GABRG1: variants seen among roughly 807,000 people sequenced by gnomAD.
GABRG1 encodes gamma-aminobutyric acid receptor subunit gamma-1.
GABRG1 carries 49 observed loss-of-function variants against 49.8 expected under a neutral mutation model. The observed-to-expected ratio is 0.98, with a 90% CI of 0.78 to 1.25. The LOEUF is 1.25. GABRG1 is among the 50% of genes most tolerant of loss of function. GABRG1 has a pLI of 0.00. For missense variants in GABRG1, 552 were observed against 552.3 expected (o/e 1.00, Z 0.01); for synonymous variants, 232 against 185.1 (o/e 1.25, Z -2.06).
intron 4 of GABRG1, 66 bp from the exon 5 acceptor site, chr4:46,064,589 C>A: frequency 1.3e-6 from 1 of 782,548 alleles, no homozygotes; most frequent in Non-Finnish European, 2.0e-6. Context: ...AATCTCCTGT[C>A]TCATTTTAAA....
At chr4:46,085,081 TAA>T (rs1182803453) in intron 2 of GABRG1, among the ~76,000 whole-genome samples, 1 of 151,512 alleles carries the variant, frequency 6.6e-6, no homozygotes, top group Non-Finnish European at 1.5e-5. Flanking sequence ...TCTTATATAA[TAA>T]GAGATTTTTT....
chr4:46,122,117 G>A (rs549364145), intron 1 of GABRG1, among the ~76,000 whole-genome samples: 1 of 152,112 alleles, frequency 6.6e-6, no homozygotes, highest in East Asian at 2.0e-4. Flanking sequence ...CATGTCTCCA[G>A]GCTGCTAAAC....
Position 46,074,406 on chromosome 4 carries a change from T to TTC in GABRG1, c.322-8824_322-8823dup, listed in dbSNP as rs1021739389. 6.6e-4 allele frequency among the ~76,000 whole-genome samples: 100 copies of TTC among 152,236 alleles called. 2 individuals are homozygous for TTC. Among genetic ancestry groups the TTC allele is most frequent in the Admixed American group, 6.5e-3 (99 of 15,254 alleles). On this transcript the variant is annotated intron_variant, in intron 3 of 8. Coordinates refer to ENST00000295452, the MANE Select transcript of GABRG1 (RefSeq NM_173536.4). Reference sequence around the variant, plus strand: ...GTCCAGCTGCAGAAAATGAAAAACTTTCCAACATTGTATCCTGCTAGTGGG... The same window carrying TTC: ...GTCCAGCTGCAGAAAATGAAAAACTTTCTCCAACATTGTATCCTGCTAGTGGG...
chr4:46,078,087 AGTT>A (rs753051248), intron 3 of GABRG1, among the ~76,000 whole-genome samples: 6 of 151,810 alleles, frequency 4.0e-5, no homozygotes, highest in Non-Finnish European at 8.8e-5. Flanking sequence ...AGTGACAAAA[AGTT>A]AATATATGCA....
chr4:46,053,939 A>G (rs527737084), intron 7 of GABRG1, among the ~76,000 whole-genome samples: 2 of 152,160 alleles, frequency 1.3e-5, no homozygotes, highest in African/African-American at 2.4e-5. Context: ...TATCATTGCT[A>G]TATTCTCCAT....
At chr4:46,098,097 C>T (rs1720244317) in intron 1 of GABRG1, among the ~76,000 whole-genome samples, 2 of 151,758 alleles carry the variant, frequency 1.3e-5, no homozygotes, top group South Asian at 2.1e-4. Context: ...AGCCAAAACA[C>T]AAATCTATTT....
At chr4:46,108,962 T>C (rs78021806) in intron 1 of GABRG1, among the ~76,000 whole-genome samples, 6,435 of 151,148 alleles carry the variant, frequency 0.043, 257 homozygotes, top group African/African-American at 0.1. Flanking sequence ...CCCATAGTGA[T>C]GTTTTTAATA....
At position 46,051,598 on chromosome 4, in the gene GABRG1, A is replaced by T. The variant is rs567893508; in HGVS notation, c.957T>A (p.Ile319=). ...TVLTMTTLST[I]ARKSLPKVSY... The stretch of plus-strand genomic sequence containing the variant: ...AAACCTTAGGTAAAGACTTCCTGGC[A>T]ATTGTACTCAGGGTTGTCATAGTCA... Residue 319 remains isoleucine (I), a synonymous_variant, in exon 8 of 9, where the codon ATT becomes ATA. Coordinates refer to ENST00000295452, the MANE Select transcript of GABRG1 (RefSeq NM_173536.4). 5.6e-6 allele frequency: 9 copies of T among 1,611,146 alleles called. No homozygotes were observed. The African/African-American group carries it at 1.2e-4, about 22-fold the overall frequency.
rs1345359874 is a variant in GABRG1, at chr4:46,094,032, A to G, written c.253+3169T>C. ...CAAAAATATACCTAGAACACAGGCTAATTTTTGAAATTAAACAATATTCAC... is the reference window on the plus strand; with the variant it reads ...CAAAAATATACCTAGAACACAGGCTGATTTTTGAAATTAAACAATATTCAC... On this transcript the variant is annotated intron_variant, in intron 2 of 8. Coordinates refer to ENST00000295452, the MANE Select transcript of GABRG1 (RefSeq NM_173536.4). 2.0e-5 allele frequency among the ~76,000 whole-genome samples: 3 copies of G among 152,064 alleles called. No individual in the cohort carries two copies. The East Asian group carries it at 5.8e-4, about 30-fold the overall frequency.
At chr4:46,076,750 A>T (rs184059529) in intron 3 of GABRG1, among the ~76,000 whole-genome samples, 3 of 151,890 alleles carry the variant, frequency 2.0e-5, no homozygotes, top group African/African-American at 7.2e-5. Flanking sequence ...AAAAAACTAA[A>T]AAAATTGTAA....
At chr4:46,068,082 T>C (rs1378131867) in intron 3 of GABRG1, among the ~76,000 whole-genome samples, 1 of 152,102 alleles carries the variant, frequency 6.6e-6, no homozygotes, top group Non-Finnish European at 1.5e-5. Flanking sequence ...AGTCTAACCA[T>C]GTAACCTACG....
intron 3 of GABRG1, among the ~76,000 whole-genome samples, chr4:46,066,066 A>G (rs1032214664): frequency 1.3e-5 from 2 of 152,128 alleles, no homozygotes; most frequent in Non-Finnish European, 2.9e-5. Flanking sequence ...ATGAAATCCA[A>G]GATTTCAAGT....
chr4:46,091,545 A>G (rs1007848554), intron 2 of GABRG1, among the ~76,000 whole-genome samples: 6 of 152,110 alleles, frequency 3.9e-5, no homozygotes, highest in African/African-American at 1.4e-4. Context: ...AGAAGAAAAG[A>G]TTGCAAATAT....
In GABRG1 at chr4:46,124,014, T is replaced by C; in HGVS notation, c.-101A>G. On this transcript the variant is annotated 5_prime_UTR_variant, in exon 1 of 9. Coordinates refer to ENST00000295452, the MANE Select transcript of GABRG1 (RefSeq NM_173536.4). The stretch of plus-strand genomic sequence containing the variant: ...CTGGCTGAGTACAGAAGGGAGAGTG[T>C]GGAAAGGCAGTGCACCTCCCAAACA... The C allele has an allele frequency of 1.2e-6, 1 of 850,050 alleles. No individual in the cohort carries two copies. The allele number at this position is 850,050 out of a possible 1,614,324, so 52.7% of individuals were successfully genotyped here.
chr4:46,107,510 C>T (rs2109438282), intron 1 of GABRG1, among the ~76,000 whole-genome samples: 1 of 150,750 alleles, frequency 6.6e-6, no homozygotes, highest in East Asian at 2.0e-4. Flanking sequence ...CTTCTTCCTC[C>T]CTGTCACCAT....
chr4:46,116,870 A>G (rs1335262573), intron 1 of GABRG1, among the ~76,000 whole-genome samples: 3 of 150,778 alleles, frequency 2.0e-5, no homozygotes, highest in Non-Finnish European at 4.5e-5. Context: ...CAATCCAGCC[A>G]ACAGGGCTAC....
At chr4:46,100,657 A>G (rs1222718710) in intron 1 of GABRG1, among the ~76,000 whole-genome samples, 1 of 149,574 alleles carries the variant, frequency 6.7e-6, no homozygotes, top group African/African-American at 2.4e-5. Flanking sequence ...TGCACATATA[A>G]ACAGTTTATC....
At chr4:46,088,623 T>G (rs1188946896) in intron 2 of GABRG1, among the ~76,000 whole-genome samples, 1 of 151,960 alleles carries the variant, frequency 6.6e-6, no homozygotes, top group Non-Finnish European at 1.5e-5. Flanking sequence ...CTTCATAATT[T>G]CTTTCAGTGT....
intron 7 of GABRG1, among the ~76,000 whole-genome samples, chr4:46,052,687 C>A (rs1718276378): frequency 6.6e-6 from 1 of 151,894 alleles, no homozygotes; most frequent in South Asian, 2.1e-4. Flanking sequence ...AAATATGGCC[C>A]CATGAGCGGA....
Sources: gnomAD v4.1 joint callset for allele counts (sites outside exome capture counted in the v4.1 genomes callset) on GRCh38, gnomAD v4.1.1 for gene constraint, MANE v1.5 for transcripts, NCBI Gene and HGNC (gene_info 2026-07-23, HGNC 2026-07-21) for gene names.